LUM: variants seen among roughly 807,000 people sequenced by gnomAD.
LUM encodes KSPG lumican.
Under a neutral mutation model 20.5 loss-of-function variants are expected in LUM, and 13 were observed. The observed-to-expected ratio is 0.63, with a 90% confidence interval of 0.41 to 1.01. The LOEUF is 1.01. Ranked by LOEUF, LUM falls within the 50% of genes least tolerant of loss-of-function variation. The pLI, the probability that LUM is intolerant of heterozygous loss-of-function variation, is 0.00. For missense variants in LUM, 321 were observed against 391.1 expected, an observed-to-expected ratio of 0.82 and a Z score of 1.51; for synonymous variants, 173 against 151.5, an observed-to-expected ratio of 1.14 and a Z score of -1.04.
At chr12:91,110,240 A>G (rs986255131) in intron 1 of LUM, among the ~76,000 whole-genome samples, 7 of 152,200 alleles carry the variant, frequency 4.6e-5, no homozygotes, top group African/African-American at 4.8e-5. Context: ...ATATCTTTCT[A>G]TGAAAGTATG....
Position 91,102,866 on chromosome 12 carries a change from G to C in LUM, c.*1299C>G, listed in dbSNP as rs546194520. The C allele has an allele frequency of 5.9e-5, 9 of 152,144 alleles. No individual in the cohort carries two copies. The highest frequency in any genetic ancestry group is 2.2e-4 in the African/African-American group (9 of 41,542). The allele number at this position is 152,144 out of a possible 1,614,324, so 9.4% of individuals were successfully genotyped here. On this transcript the variant is annotated 3_prime_UTR_variant, in exon 3 of 3. Transcript: ENST00000266718. ...CCATAAGATAGAGTTCACTAAAAGTGGTGTGTTAAAACATTTTATGCCTTA... is the reference window on the plus strand; with the variant it reads ...CCATAAGATAGAGTTCACTAAAAGTCGTGTGTTAAAACATTTTATGCCTTA...
In LUM at chr12:91,107,191, AGG is replaced by A. The variant is rs1358621064; in HGVS notation, c.862+925_862+926del. ...AGAAAGAAAACGAAAGAAAGAAAGA[AGG>A]AAAGAAAAAGAAAGAAAGAAAGAGA... On this transcript the variant is annotated intron_variant, in intron 2 of 2. Coordinates refer to ENST00000266718, the MANE Select transcript of LUM (RefSeq NM_002345.4). 1.0e-3 allele frequency among the ~76,000 whole-genome samples: 65 copies of A among 62,296 alleles called. 1 individual carries two copies. In the East Asian group the frequency reaches 0.028, roughly 27 times the overall value. 40.9% of individuals were successfully genotyped at this position (62,296 alleles called of 152,430 possible). A position where few individuals can be genotyped will look rare whatever the true frequency, so the allele number is the denominator to read the frequency against.
intron 2 of LUM, among the ~76,000 whole-genome samples, chr12:91,107,026 G>A (rs1225224275): frequency 2.0e-5 from 3 of 151,012 alleles, no homozygotes; most frequent in African/African-American, 7.3e-5. Flanking sequence ...ATAAAAATTA[G>A]CCTGGTGGTG....
rs762077138 is a variant in LUM, at chr12:91,108,889, C to T, written c.91G>A (p.Gly31Arg). ...GGTGCACAGTTTGGTGATGATTGCC[C>T]ATAAATTGATAGGGGAAAATCATAA... ...YDYDFPLSIY[G>R]QSSPNCAPEC... The change falls in exon 2 of 3, where the codon GGG becomes AGG. Residue 31 changes from glycine to arginine, a missense_variant. Transcript: ENST00000266718. This position sits in a 1 kb window ranked among gnomAD's most constrained non-coding sequence, Gnocchi z 4.2. 1.2e-6 allele frequency: 2 copies of T among 1,613,782 alleles called. No individual in the cohort carries two copies. The highest frequency in any genetic ancestry group is 1.7e-6 in the Non-Finnish European group (2 of 1,179,966).
intron 2 of LUM, among the ~76,000 whole-genome samples, chr12:91,107,285 A>G (rs867333842): frequency 0.022 from 1,258 of 57,406 alleles, 5 homozygotes; most frequent in Non-Finnish European, 0.025. Context: ...GAAAGAAAGA[A>G]AGAGAAAGAA....
In LUM at chr12:91,108,679, G is replaced by T. The variant is rs770509533; in HGVS notation, c.301C>A (p.Leu101Ile). The change falls in exon 2 of 3, where the codon CTT becomes ATT. Residue 101 changes from leucine (L) to isoleucine (I), a missense_variant. Leu to Ile is a conservative substitution (Grantham distance 5, BLOSUM62 2). Coordinates refer to ENST00000266718, the MANE Select transcript of LUM (RefSeq NM_002345.4). This position sits in a 1 kb window ranked among gnomAD's most constrained non-coding sequence, Gnocchi z 4.2. ...CCTTTTATCTTGGAGTTTTCTAGAA[G>T]GTTGTGATCTAGAATGAGCCACTGC... ...DLQWLILDHN[L>I]LENSKIKGRV... is the part of the protein sequence containing the mutation. 6.2e-7 allele frequency: 1 copy of T among 1,613,742 alleles called. No homozygotes were observed. The highest frequency in any genetic ancestry group is 8.5e-7 in the Non-Finnish European group (1 of 1,179,720).
At chr12:91,106,037 G>A (rs1170894311) in intron 2 of LUM, among the ~76,000 whole-genome samples, 4 of 152,168 alleles carry the variant, frequency 2.6e-5, no homozygotes, top group African/African-American at 7.2e-5. Context: ...GAAACAACAA[G>A]AGGGGTTTAG....
At chr12:91,111,366 A>G (rs143538369) in intron 1 of LUM, 32 bp downstream of exon 1, 65 of 152,340 alleles carry the variant, frequency 4.3e-4, no homozygotes, top group African/African-American at 1.5e-3. Context: ...AACAGTTAAC[A>G]TCCCCAGTGC....
chr12:91,108,346 A>T lies in LUM; in HGVS notation c.634T>A (p.Leu212Ile). 6.2e-7 allele frequency: 1 copy of T among 1,614,168 alleles called. No homozygotes were observed. The highest frequency in any genetic ancestry group is 8.5e-7 in the Non-Finnish European group (1 of 1,180,012). Reference protein sequence around the residue: ...GLPVSLLTLYLDNNKISNIPD... With the variant: ...GLPVSLLTLYIDNNKISNIPD... ...ATGTTGCTGATCTTATTGTTGTCTA[A>T]GTAGAGAGTTAGAAGAGAGACAGGG... The change falls in exon 2 of 3, where the codon TTA becomes ATA. Residue 212 changes from leucine to isoleucine, a missense_variant. By Grantham distance (5) the Leu-to-Ile change is conservative (BLOSUM62 2). Transcript: ENST00000266718. The surrounding 1 kb of genome is among the most constrained non-coding windows in gnomAD (Gnocchi z 4.2).
At position 91,104,356 on chromosome 12, in the gene LUM, C is replaced by T. The variant is rs182309434; in HGVS notation, c.863-37G>A. The T allele has an allele frequency of 1.0e-4, 147 of 1,447,140 alleles. 1 individual carries two copies. In the African/African-American group the frequency reaches 1.9e-3, roughly 19 times the overall value. 89.6% of individuals were successfully genotyped at this position (1,447,140 alleles called of 1,614,324 possible). A position where few individuals can be genotyped will look rare whatever the true frequency, so the allele number is the denominator to read the frequency against. On this transcript the variant is annotated intron_variant, in intron 2 of 2. Coordinates refer to ENST00000266718, the MANE Select transcript of LUM (RefSeq NM_002345.4). ...AGAATAGAAAACATTAATCATTTTTCAGTACACTGGCTCAAAACAATACAA... is the reference window on the plus strand; with the variant it reads ...AGAATAGAAAACATTAATCATTTTTTAGTACACTGGCTCAAAACAATACAA...
At position 91,107,238 on chromosome 12, in the gene LUM, G is replaced by GGAAAGAAAGAAAGAAAGAGAAA. The variant is rs1880068289; in HGVS notation, c.862+879_862+880insTTTCTCTTTCTTTCTTTCTTTC. ...AAGAGAGAAAGAAGAAAGAAAGAAAGGAAAGAAAGAAAGAAAGAAAGAAAG... is the reference window on the plus strand; with the variant it reads ...AAGAGAGAAAGAAGAAAGAAAGAAAGGAAAGAAAGAAAGAAAGAGAAAGAAAGAAAGAAAGAAAGAAAGAAAG... On this transcript the variant is annotated intron_variant, in intron 2 of 2. Coordinates refer to ENST00000266718, the MANE Select transcript of LUM (RefSeq NM_002345.4). 4.5e-5 allele frequency among the ~76,000 whole-genome samples: 3 copies of GGAAAGAAAGAAAGAAAGAGAAA among 67,298 alleles called. 1 individual carries two copies. Among genetic ancestry groups the GGAAAGAAAGAAAGAAAGAGAAA allele is most frequent in the African/African-American group, 1.6e-4 (3 of 18,986 alleles). 44.2% of individuals were successfully genotyped at this position (67,298 alleles called of 152,430 possible).
chr12:91,109,087 A>C, intron 1 of LUM, 87 bp from the exon 2 acceptor site: 1 of 987,678 alleles, frequency 1.0e-6, no homozygotes, highest in Non-Finnish European at 1.5e-6. Flanking sequence ...ATTCATTAGA[A>C]AATGTGCATT....
At chr12:91,110,389 T>C (rs1215284303) in intron 1 of LUM, among the ~76,000 whole-genome samples, 2 of 152,144 alleles carry the variant, frequency 1.3e-5, no homozygotes, top group African/African-American at 4.8e-5. Context: ...AAAACAGCTT[T>C]TAGAAATACT....
intron 1 of LUM, among the ~76,000 whole-genome samples, chr12:91,110,135 G>A (rs892721146): frequency 3.9e-5 from 6 of 152,174 alleles, no homozygotes; most frequent in Middle Eastern, 3.2e-3. Flanking sequence ...CTTTTATAGA[G>A]TGAACAGTTG....
In LUM at chr12:91,103,497, T is replaced by A. The variant is rs1481848981; in HGVS notation, c.*668A>T. 1 of 152,110 alleles carries A rather than the reference T, an allele frequency of 6.6e-6. No homozygotes were observed. The highest frequency in any genetic ancestry group is 1.5e-5 in the Non-Finnish European group (1 of 67,964). The allele number at this position is 152,110 out of a possible 1,614,324, so 9.4% of individuals were successfully genotyped here. ...TTTTGATTTCTAATCTATTGTTTTATGTATTTTATATACAAAGTACAGAAA... is the reference window on the plus strand; with the variant it reads ...TTTTGATTTCTAATCTATTGTTTTAAGTATTTTATATACAAAGTACAGAAA... On this transcript the variant is annotated 3_prime_UTR_variant, in exon 3 of 3. Transcript: ENST00000266718.
Position 91,104,205 on chromosome 12 carries a change from T to A in LUM, c.977A>T (p.Tyr326Phe), listed in dbSNP as rs749757256. The A allele has an allele frequency of 2.0e-5, 33 of 1,612,978 alleles. No homozygotes were observed. The East Asian group carries it at 5.1e-4, about 25-fold the overall frequency. ...TTCGTTAGCAACACGTAGACATTCA[T>A]ACATATCCGGTGGAAGACTGGTTTC... ...ISETSLPPDM[Y>F]ECLRVANEVT... is the part of the protein sequence containing the mutation. The change falls in exon 3 of 3, where the codon TAT becomes TTT. Residue 326 changes from tyrosine (Y) to phenylalanine (F), a missense_variant. By Grantham distance (22) the Tyr-to-Phe change is conservative. Transcript: ENST00000266718.
At position 91,108,010 on chromosome 12, in the gene LUM, G is replaced by T; in HGVS notation, c.862+108C>A. ...TTACAGGAATGAGCCACAGCGCCCGGGCGACATTTTGTTTTTTTAATGGAG... is the reference window on the plus strand; with the variant it reads ...TTACAGGAATGAGCCACAGCGCCCGTGCGACATTTTGTTTTTTTAATGGAG... On this transcript the variant is annotated intron_variant, in intron 2 of 2. Transcript: ENST00000266718. The surrounding 1 kb of genome is among the most constrained non-coding windows in gnomAD (Gnocchi z 4.2). 1 of 1,292,622 alleles carries T rather than the reference G, an allele frequency of 7.7e-7. No individual in the cohort carries two copies. Among genetic ancestry groups the T allele is most frequent in the Non-Finnish European group, 1.1e-6 (1 of 891,850 alleles). 80.1% of individuals were successfully genotyped at this position (1,292,622 alleles called of 1,614,324 possible).
At chr12:91,107,287 GAGAA>G (rs869096187) in intron 2 of LUM, among the ~76,000 whole-genome samples, 610 of 60,706 alleles carry the variant, frequency 0.01, 5 homozygotes, top group Middle Eastern at 0.013. Context: ...AAGAAAGAAA[GAGAA>G]AGAAAGAAAG....
intron 2 of LUM, among the ~76,000 whole-genome samples, chr12:91,106,984 T>C (rs142290672): frequency 0.01 from 1,555 of 151,492 alleles, 31 homozygotes; most frequent in African/African-American, 0.036. Flanking sequence ...ACAGCCTGGT[T>C]AACATGGTGA....
Sources: gnomAD v4.1 joint callset for allele counts (sites outside exome capture counted in the v4.1 genomes callset) on GRCh38, gnomAD v4.1.1 for gene constraint, Gnocchi (gnomAD v3.1) non-coding constraint, MANE v1.5 for transcripts, NCBI Gene and HGNC (gene_info 2026-07-23, HGNC 2026-07-21) for gene names.